The following ZNF282 variants were observed in gnomAD, a reference collection of about 807,000 sequenced individuals.
ZNF282 encodes zinc finger protein 282.
ZNF282 carries 30 observed loss-of-function variants against 61.9 expected under a neutral mutation model. The observed-to-expected ratio is 0.48, with a 90% CI of 0.36 to 0.66. The LOEUF is 0.66. Among genes scored for constraint, ZNF282 ranks in the 30% least tolerant of loss-of-function variants. The probability of loss-of-function intolerance (pLI) is 0.00; values close to 1 mark genes in which losing one functional copy is unlikely to be tolerated. For missense variants in ZNF282, 788 were observed against 941.4 expected (o/e 0.84, Z 2.13); for synonymous variants, 396 against 405.0 (o/e 0.98, Z 0.27).
chr7:149,224,115 G>T lies in ZNF282; in HGVS notation c.1484G>T (p.Gly495Val), dbSNP rs1308585617. 4 of 1,438,994 alleles carry T rather than the reference G, an allele frequency of 2.8e-6. No individual in the cohort carries two copies. The highest frequency in any genetic ancestry group is 2.7e-5 in the Admixed American group (1 of 37,338). The allele number at this position is 1,438,994 out of a possible 1,614,324, so 89.1% of individuals were successfully genotyped here. Residue 495 changes from glycine to valine, a missense_variant, in exon 8 of 8, where the codon GGC becomes GTC. Gly to Val is a moderately radical substitution (Grantham distance 109). Transcript: ENST00000610704. ...GAEAGTGAGG[G>V]CGSCCPGGLR... The stretch of plus-strand genomic sequence containing the variant: ...GAGGCGGGGACGGGGGCAGGCGGCG[G>T]CTGTGGCAGCTGCTGCCCTGGCGGG...
At chr7:149,204,254 G>A (rs145016582) in intron 2 of ZNF282, among the ~76,000 whole-genome samples, 103 of 152,320 alleles carry the variant, frequency 6.8e-4, no homozygotes, top group African/African-American at 2.3e-3. Flanking sequence ...TTGACCTTTC[G>A]AAGAGGTCAG....
chr7:149,216,969 C>A (rs1307753261), intron 7 of ZNF282, among the ~76,000 whole-genome samples: 1 of 152,168 alleles, frequency 6.6e-6, no homozygotes, highest in Non-Finnish European at 1.5e-5. Context: ...TACATCAGTG[C>A]CTCCACTGAA....
intron 3 of ZNF282, among the ~76,000 whole-genome samples, 200 bp downstream of exon 3, chr7:149,207,022 A>T (rs946569726): frequency 6.6e-6 from 1 of 152,184 alleles, no homozygotes; most frequent in African/African-American, 2.4e-5. Flanking sequence ...AACAGGGCCC[A>T]TTACCATAGA....
In ZNF282 at chr7:149,225,587, G is replaced by A. The variant is rs1796356327; in HGVS notation, c.*940G>A. ...CCCCCACAGGCAGTTAGGGCCCCAG[G>A]TCAGACCTCACCATGATGATTTGTT... is the stretch of plus-strand genomic sequence containing the variant. On this transcript the variant is annotated 3_prime_UTR_variant, in exon 8 of 8. Transcript: ENST00000610704. 1 of 152,798 alleles carries A rather than the reference G, an allele frequency of 6.5e-6. No homozygotes were observed. The highest frequency in any genetic ancestry group is 2.4e-5 in the African/African-American group (1 of 41,464). The allele number at this position is 152,798 out of a possible 1,614,324, so 9.5% of individuals were successfully genotyped here.
chr7:149,220,654 A>G (rs1796230065), intron 7 of ZNF282, among the ~76,000 whole-genome samples: 1 of 152,078 alleles, frequency 6.6e-6, no homozygotes. Flanking sequence ...CTTTTCCTGC[A>G]CACTCTAAGG....
Position 149,223,999 on chromosome 7 carries a change from C to CG in ZNF282, c.1372dup (p.Glu458GlyfsTer93). 8.0e-7 allele frequency: 1 copy of CG among 1,245,630 alleles called. No homozygotes were observed. Among genetic ancestry groups the CG allele is most frequent in the Admixed American group, 4.3e-5 (1 of 23,204 alleles). The allele number at this position is 1,245,630 out of a possible 1,614,324, so 77.2% of individuals were successfully genotyped here. On this transcript the variant is annotated frameshift_variant, in exon 8 of 8. Transcript: ENST00000610704. LOFTEE classifies it low-confidence loss of function (END_TRUNC). ...TGGACGACGGTTTCCAGGTGCTGCC[C>CG]GGGGAGCGTGGCTCCGGCGAGGCGC...
intron 2 of ZNF282, among the ~76,000 whole-genome samples, chr7:149,203,204 A>C (rs1415401944): frequency 6.6e-6 from 1 of 152,182 alleles, no homozygotes; most frequent in East Asian, 1.9e-4. Context: ...CTCAGCGCAT[A>C]TCCTTGTGTG....
chr7:149,207,442 G>C lies in ZNF282; in HGVS notation c.804G>C (p.Glu268Asp). 7.0e-6 allele frequency: 11 copies of C among 1,563,914 alleles called. No individual in the cohort carries two copies. The highest frequency in any genetic ancestry group is 9.5e-6 in the Non-Finnish European group (11 of 1,153,152). ...PCVWEQRHPE[E>D]REIPMDPEAG... ...TGTGGGAGCAGCGCCACCCCGAAGA[G>C]AGAGAAATCCCAATGGATCCCGAAG... The change falls in exon 4 of 8, where the codon GAG becomes GAC. Residue 268 changes from glutamate to aspartate, a missense_variant. This residue lies in a region of ZNF282 where 559 missense variants were observed against 642.0 expected (regional missense o/e 0.87). Transcript: ENST00000610704.
Position 149,223,947 on chromosome 7 carries a change from CG to C in ZNF282, c.1319del (p.Gly440AlafsTer127). The part of the protein sequence containing the change: ...SLPPIAVAEN[P>X]GGPPSRGLLD... ...CCCCCCATCGCGGTGGCCGAGAACC[CG>C]GGCGGCCCCCCGAGCCGAGGGCTGC... On this transcript the variant is annotated frameshift_variant, in exon 8 of 8. Coordinates refer to ENST00000610704, the MANE Select transcript of ZNF282 (RefSeq NM_003575.4). LOFTEE classifies it low-confidence loss of function (END_TRUNC). 1 of 1,310,494 alleles carries C rather than the reference CG, an allele frequency of 7.6e-7. No individual in the cohort carries two copies. Among genetic ancestry groups the C allele is most frequent in the Non-Finnish European group, 9.7e-7 (1 of 1,032,634 alleles). 81.2% of individuals were successfully genotyped at this position (1,310,494 alleles called of 1,614,324 possible).
chr7:149,195,778 T>A (rs751149062), intron 1 of ZNF282, 24 bp downstream of exon 1: 18 of 1,471,172 alleles, frequency 1.2e-5, no homozygotes, highest in Non-Finnish European at 1.6e-5. Flanking sequence ...GCCGGCGCCA[T>A]GGCCGCGCTG....
In ZNF282 at chr7:149,204,298, G is replaced by A. The variant is rs138858690; in HGVS notation, c.586-2398G>A. On this transcript the variant is annotated intron_variant, in intron 2 of 7. Transcript: ENST00000610704. ...AGGATTTCAACAGAAGGTCGCTGATGATCTTCCAGAGTGTGGTTTCAGAGA... is the reference window on the plus strand; with the variant it reads ...AGGATTTCAACAGAAGGTCGCTGATAATCTTCCAGAGTGTGGTTTCAGAGA... Among the ~76,000 whole-genome samples, 23 of 152,338 alleles carry A rather than the reference G, an allele frequency of 1.5e-4. No individual in the cohort carries two copies. The East Asian group carries it at 4.0e-3, about 27-fold the overall frequency.
At chr7:149,219,213 A>G (rs1273464991) in intron 7 of ZNF282, among the ~76,000 whole-genome samples, 1 of 152,074 alleles carries the variant, frequency 6.6e-6, no homozygotes, top group East Asian at 1.9e-4. Flanking sequence ...TAAACTCTCT[A>G]AGATCCCACC....
At chr7:149,206,644 G>A in intron 2 of ZNF282, 52 bp from the exon 3 acceptor site, 1 of 1,610,476 alleles carries the variant, frequency 6.2e-7, no homozygotes, top group Non-Finnish European at 8.5e-7. Flanking sequence ...AGAAGGGGAG[G>A]TGGTGGGGAG....
At chr7:149,207,570 A>G (rs1796016656) in intron 4 of ZNF282, 100 bp downstream of exon 4, 3 of 1,499,474 alleles carry the variant, frequency 2.0e-6, no homozygotes, top group East Asian at 4.9e-5. Context: ...TGTGTGCACC[A>G]TGGGGCGAGG....
intron 7 of ZNF282, among the ~76,000 whole-genome samples, chr7:149,217,996 T>C (rs1349950827): frequency 1.3e-5 from 2 of 151,418 alleles, no homozygotes; most frequent in Non-Finnish European, 2.9e-5. Context: ...TAATCCCAGC[T>C]GCTCGGGAGG....
At chr7:149,197,169 T>G (rs557522566) in intron 1 of ZNF282, among the ~76,000 whole-genome samples, 2 of 152,288 alleles carry the variant, frequency 1.3e-5, no homozygotes, top group Non-Finnish European at 2.9e-5. Flanking sequence ...AGTTTACCCT[T>G]CTGGGGTGAG....
intron 6 of ZNF282, among the ~76,000 whole-genome samples, 157 bp from the exon 7 acceptor site, chr7:149,213,544 G>A: frequency 6.6e-6 from 1 of 152,146 alleles, no homozygotes; most frequent in East Asian, 1.9e-4. Context: ...TTAGGAAGGG[G>A]CTTATGAGGG....
chr7:149,220,921 T>TG (rs1554471485), intron 7 of ZNF282, among the ~76,000 whole-genome samples: 6 of 44,160 alleles, frequency 1.4e-4, no homozygotes, highest in Non-Finnish European at 2.9e-4. Flanking sequence ...TGGAGGGTTT[T>TG]TTTTTTTTTT....
chr7:149,218,252 T>G (rs1462104095), intron 7 of ZNF282, among the ~76,000 whole-genome samples: 1 of 151,412 alleles, frequency 6.6e-6, no homozygotes, highest in Non-Finnish European at 1.5e-5. Flanking sequence ...GCAGACCAAG[T>G]GGAGAGATGC....
Sources: gnomAD v4.1 joint callset for allele counts (sites outside exome capture counted in the v4.1 genomes callset) on GRCh38, gnomAD v4.1.1 for gene constraint, gnomAD v4.1.1 regional missense constraint, MANE v1.5 for transcripts, NCBI Gene and HGNC (gene_info 2026-07-23, HGNC 2026-07-21) for gene names.